The following DEK variants were observed in gnomAD, a reference collection of about 807,000 sequenced individuals.
The protein encoded by DEK is protein DEK.
Under a neutral mutation model 46.8 loss-of-function variants are expected in DEK, and 28 were observed. That is an observed-to-expected ratio of 0.60 (90% CI 0.44 to 0.82). The LOEUF (loss-of-function observed/expected upper bound fraction) is 0.82. Ranked by LOEUF, DEK falls within the 40% of genes least tolerant of loss-of-function variation. The pLI is 0.00. For synonymous variants in DEK, 160 were observed against 144.5 expected (o/e 1.11, Z -0.77); for missense variants, 416 against 430.6 (o/e 0.97, Z 0.30).
At chr6:18,263,792 A>C (rs1791979146) in intron 2 of DEK, 51 bp downstream of exon 2, 2 of 1,609,918 alleles carry the variant, frequency 1.2e-6, no homozygotes, top group Non-Finnish European at 1.7e-6. Context: ...TGAAAAATAC[A>C]AAAAAACTTC....
intron 7 of DEK, chr6:18,244,641 A>G: frequency 9.4e-7 from 1 of 1,069,134 alleles, no homozygotes; most frequent in Non-Finnish European, 1.3e-6. Context: ...ATTAGCTTAA[A>G]ATACACTATT....
At position 18,236,574 on chromosome 6, in the gene DEK, C is replaced by G; in HGVS notation, c.925G>C (p.Asp309His). Residue 309 changes from aspartate (D) to histidine (H), a missense_variant, in exon 9 of 11, where the codon GAT becomes CAT. Transcript: ENST00000652689. ...TTCAACTTTTTAATTAAAGGTTCATCATCTGAACTATCCTCAGACTCACTT... is the reference window on the plus strand; with the variant it reads ...TTCAACTTTTTAATTAAAGGTTCATGATCTGAACTATCCTCAGACTCACTT... ...KESESEDSSD[D>H]EPLIKKLKKP... is the part of the protein sequence containing the mutation. 2 of 1,575,000 alleles carry G rather than the reference C, an allele frequency of 1.3e-6. No individual in the cohort carries two copies. Among genetic ancestry groups the G allele is most frequent in the Non-Finnish European group, 1.7e-6 (2 of 1,167,024 alleles).
intron 9 of DEK, among the ~76,000 whole-genome samples, chr6:18,227,830 A>G (rs141001340): frequency 6.0e-4 from 91 of 152,190 alleles, no homozygotes; most frequent in African/African-American, 2.2e-3. Context: ...TTTAGGGAAA[A>G]CTTCTTTCTT....
At chr6:18,237,933 C>A (rs1290046129) in intron 7 of DEK, among the ~76,000 whole-genome samples, 2 of 132,834 alleles carry the variant, frequency 1.5e-5, no homozygotes, top group Admixed American at 8.8e-5. Flanking sequence ...GTGGCCCGAT[C>A]TTGGTTCACT....
intron 7 of DEK, among the ~76,000 whole-genome samples, chr6:18,238,119 T>C (rs901345145): frequency 6.6e-6 from 1 of 152,024 alleles, no homozygotes; most frequent in Admixed American, 6.5e-5. Flanking sequence ...TCTGCCTGCC[T>C]TGGCCTCCCA....
intron 9 of DEK, among the ~76,000 whole-genome samples, chr6:18,227,097 T>C (rs1329241189): frequency 2.0e-5 from 3 of 152,092 alleles, no homozygotes; most frequent in Non-Finnish European, 2.9e-5. Flanking sequence ...CCCCATGTCA[T>C]AGTCTGAAAT....
rs559557706 is a variant in DEK at position 18,247,026 on chromosome 6, GAA to G, written c.762+2623_762+2624del. ...TGCAACTTTTCTTTATGGCTTCTTA[GAA>G]AAGAGGTCCTTCCATAGTAATGACC... On this transcript the variant is annotated intron_variant, in intron 7 of 10. Coordinates refer to ENST00000652689, the MANE Select transcript of DEK (RefSeq NM_003472.4). 2.0e-4 allele frequency among the ~76,000 whole-genome samples: 30 copies of G among 152,262 alleles called. No homozygotes were observed. In the Middle Eastern group the frequency reaches 0.01, roughly 52 times the overall value.
At chr6:18,235,106 T>C (rs1203855046) in intron 9 of DEK, among the ~76,000 whole-genome samples, 1 of 152,194 alleles carries the variant, frequency 6.6e-6, no homozygotes, top group African/African-American at 2.4e-5. Flanking sequence ...CTGGGTGTCC[T>C]GCCTCTCTCA....
rs1483412124 is a variant in DEK at position 18,224,383 on chromosome 6, CAA to C, written c.*1334_*1335del. 5.3e-6 allele frequency: 1 copy of C among 188,638 alleles called. No homozygotes were observed. The highest frequency in any genetic ancestry group is 1.1e-5 in the Non-Finnish European group (1 of 89,858). The allele number at this position is 188,638 out of a possible 1,614,324, so 11.7% of individuals were successfully genotyped here. On this transcript the variant is annotated 3_prime_UTR_variant, in exon 11 of 11. Transcript: ENST00000652689. ...TTTTATATATTTCTGTTCTATGATGCAAAGATATTTTTCAACACTTAATTGGT... is the reference window on the plus strand; with the variant it reads ...TTTTATATATTTCTGTTCTATGATGCAGATATTTTTCAACACTTAATTGGT...
intron 9 of DEK, among the ~76,000 whole-genome samples, chr6:18,233,353 G>A (rs1275682484): frequency 6.6e-6 from 1 of 152,132 alleles, no homozygotes; most frequent in Non-Finnish European, 1.5e-5. Flanking sequence ...TGACAAATGG[G>A]ATCTAATTAA....
intron 2 of DEK, among the ~76,000 whole-genome samples, chr6:18,263,384 G>A (rs185764737): frequency 2.1e-4 from 32 of 152,260 alleles, no homozygotes; most frequent in Admixed American, 1.8e-3. Context: ...AAATACTTCC[G>A]GGTCTAGCCT....
At chr6:18,255,475 C>CT (rs1791558871) in intron 6 of DEK, among the ~76,000 whole-genome samples, 1 of 152,204 alleles carries the variant, frequency 6.6e-6, no homozygotes, top group African/African-American at 2.4e-5. Context: ...ACTACTAGTA[C>CT]TTTCTGTCCC....
chr6:18,255,614 T>C (rs1172506615), intron 6 of DEK, 117 bp downstream of exon 6: 1 of 1,207,208 alleles, frequency 8.3e-7, no homozygotes, highest in African/African-American at 1.5e-5. Flanking sequence ...GAAGGTATAG[T>C]CTTTGAATGT....
At chr6:18,234,279 GATATATAT>G (rs34234830) in intron 9 of DEK, among the ~76,000 whole-genome samples, 89 of 144,804 alleles carry the variant, frequency 6.1e-4, no homozygotes, top group African/African-American at 2.3e-3. Context: ...ATGGCACATG[GATATATAT>G]ATATATATAT....
At chr6:18,261,954 T>C (rs1214275946) in intron 2 of DEK, among the ~76,000 whole-genome samples, 1 of 152,126 alleles carries the variant, frequency 6.6e-6, no homozygotes, top group Non-Finnish European at 1.5e-5. Flanking sequence ...AAATTTCGTG[T>C]TGAAAAGTGA....
chr6:18,260,756 T>C (rs537139618), intron 2 of DEK, among the ~76,000 whole-genome samples: 1 of 152,144 alleles, frequency 6.6e-6, no homozygotes, highest in East Asian at 1.9e-4. Context: ...ATCCAGGCCC[T>C]TTGGGAGGCA....
chr6:18,236,427 A>G, intron 9 of DEK, 25 bp downstream of exon 9: 1 of 1,602,144 alleles, frequency 6.2e-7, no homozygotes, highest in Non-Finnish European at 8.5e-7. Flanking sequence ...CAAAAGCAAA[A>G]TAATCTAAAC....
intron 7 of DEK, chr6:18,244,664 T>C: frequency 5.7e-6 from 5 of 879,466 alleles, no homozygotes; most frequent in South Asian, 1.6e-5. Flanking sequence ...TTCAACAATT[T>C]GGCTGAGAAA....
intron 6 of DEK, among the ~76,000 whole-genome samples, chr6:18,254,539 T>C (rs1017416579): frequency 6.6e-6 from 1 of 152,184 alleles, no homozygotes; most frequent in African/African-American, 2.4e-5. Context: ...TCAGTTCTAA[T>C]GTCAAATACA....
Sources: gnomAD v4.1 joint callset for allele counts (sites outside exome capture counted in the v4.1 genomes callset) on GRCh38, gnomAD v4.1.1 for gene constraint, MANE v1.5 for transcripts, NCBI Gene and HGNC (gene_info 2026-07-23, HGNC 2026-07-21) for gene names.